MID2: variants seen among roughly 807,000 people sequenced by gnomAD.
MID2 encodes the protein probable E3 ubiquitin-protein ligase MID2.
In MID2, 13 loss-of-function variants were observed where a neutral mutation model predicts 46.1. The observed-to-expected ratio is 0.28, with a 90% CI of 0.18 to 0.45. The LOEUF (loss-of-function observed/expected upper bound fraction) is 0.45, where lower values mean the gene tolerates loss of function less well. Among genes scored for constraint, MID2 ranks in the 20% least tolerant of loss-of-function variants. The probability of loss-of-function intolerance (pLI) is 1.00; values close to 1 mark genes in which losing one functional copy is unlikely to be tolerated. For missense variants in MID2, 431 were observed against 575.4 expected, an observed-to-expected ratio of 0.75 and a Z score of 2.57; for synonymous variants, 199 against 212.3, an observed-to-expected ratio of 0.94 and a Z score of 0.55.
chrX:107,858,493 G>A (rs898111574), intron 3 of MID2, among the ~76,000 whole-genome samples: 4 of 112,037 alleles, frequency 3.6e-5, no homozygotes, highest in Admixed American at 2.8e-4. Context: ...AAAACATAGC[G>A]AGGGGCAAAT....
At chrX:107,847,075 G>C (rs1449540325) in intron 2 of MID2, among the ~76,000 whole-genome samples, 1 of 112,293 alleles carries the variant, frequency 8.9e-6, no homozygotes, top group Admixed American at 9.4e-5. Flanking sequence ...ATATAATGAG[G>C]TAATGCCTTA....
chrX:107,920,798 A>G (rs1273562782), intron 7 of MID2, among the ~76,000 whole-genome samples: 3 of 111,945 alleles, frequency 2.7e-5, no homozygotes, highest in East Asian at 5.6e-4. Flanking sequence ...TCTTTACCCA[A>G]ATTCACCTAC....
intron 3 of MID2, among the ~76,000 whole-genome samples, chrX:107,894,211 C>G (rs1286956368): frequency 2.7e-5 from 3 of 110,648 alleles, no homozygotes; most frequent in Admixed American, 9.6e-5. Context: ...TTTTTTTATA[C>G]CCAGCACATG....
At chrX:107,839,264 A>C (rs1931275448) in intron 1 of MID2, among the ~76,000 whole-genome samples, 1 of 111,847 alleles carries the variant, frequency 8.9e-6, no homozygotes, top group African/African-American at 3.2e-5. Context: ...GACTCTAGGC[A>C]ATTAAGAATT....
intron 5 of MID2, among the ~76,000 whole-genome samples, chrX:107,915,103 T>C (rs1267440577): frequency 4.5e-5 from 5 of 112,354 alleles, no homozygotes. Flanking sequence ...TCAACAATTA[T>C]TTTTTCACTA....
At chrX:107,836,048 A>G (rs2147822771) in intron 1 of MID2, among the ~76,000 whole-genome samples, 1 of 111,943 alleles carries the variant, frequency 8.9e-6, no homozygotes, top group East Asian at 2.8e-4. Flanking sequence ...AATGATATGA[A>G]GTAGAACTCC....
chrX:107,868,832 T>C (rs78889435), intron 3 of MID2, among the ~76,000 whole-genome samples: 603 of 110,907 alleles, frequency 5.4e-3, no homozygotes, highest in Non-Finnish European at 5.0e-3. Flanking sequence ...GGGGGATCAA[T>C]CTATGCTTCC....
At chrX:107,870,949 T>C (rs894442910) in intron 3 of MID2, among the ~76,000 whole-genome samples, 5 of 111,011 alleles carry the variant, frequency 4.5e-5, no homozygotes, top group Non-Finnish European at 7.5e-5. Flanking sequence ...TAAGTTAGTT[T>C]CATTTTGATT....
Position 107,930,074 on chromosome X carries a change from C to A in MID2, c.*3001C>A, listed in dbSNP as rs539254479. ...ATGAATAATCATCTTCCCTACTAGA[C>A]TGAACACCTTGAGAGGAAGGACTGT... On this transcript the variant is annotated 3_prime_UTR_variant, in exon 10 of 10. Transcript: ENST00000262843. Among the ~76,000 whole-genome samples the A allele has an allele frequency of 8.9e-6, 1 of 111,981 alleles. No individual in the cohort carries two copies. Among genetic ancestry groups the A allele is most frequent in the African/African-American group, 3.2e-5 (1 of 30,842 alleles).
chrX:107,892,030 A>G (rs1932617226), intron 3 of MID2, among the ~76,000 whole-genome samples: 1 of 111,596 alleles, frequency 9.0e-6, no homozygotes, highest in African/African-American at 3.3e-5. Context: ...TGAGAGTTCA[A>G]ATTTCCCTGG....
At chrX:107,851,443 C>G (rs151034854) in intron 2 of MID2, among the ~76,000 whole-genome samples, 241 of 111,699 alleles carry the variant, frequency 2.2e-3, no homozygotes, top group Non-Finnish European at 2.8e-3. Flanking sequence ...AAACACATTT[C>G]TTTCAATTAT....
In MID2 at chrX:107,927,024, G is replaced by A. The variant is rs1933193282; in HGVS notation, c.2159G>A (p.Cys720Tyr). 1.2e-5 allele frequency: 14 copies of A among 1,208,512 alleles called. No homozygotes were observed. Among genetic ancestry groups the A allele is most frequent in the African/African-American group, 1.8e-5 (1 of 57,029 alleles). Residue 720 changes from cysteine to tyrosine, a missense_variant, in exon 10 of 10, where the codon TGC becomes TAC. By Grantham distance (194) the Cys-to-Tyr change is radical. Transcript: ENST00000262843. ...IDYPERQECNCRPQESPYVSG... is the reference protein window; with the variant it reads ...IDYPERQECNYRPQESPYVSG... ...TACCCTGAGCGGCAGGAATGCAACT[G>A]CAGGCCTCAAGAATCCCCTTATGTT...
intron 2 of MID2, among the ~76,000 whole-genome samples, chrX:107,844,769 A>T (rs1931423960): frequency 9.0e-6 from 1 of 111,048 alleles, no homozygotes; most frequent in Non-Finnish European, 1.9e-5. Context: ...CTCTTTTCTG[A>T]TTCTTAACTG....
chrX:107,841,312 C>G lies in MID2; in HGVS notation c.647C>G (p.Ala216Gly). Residue 216 changes from alanine (A) to glycine (G), a missense_variant, in exon 2 of 10, where the codon GCC becomes GGC. Transcript: ENST00000262843. ...YCVSDDQLICALCKLVGRHRD... is the reference protein window; with the variant it reads ...YCVSDDQLICGLCKLVGRHRD... ...GTATCTGATGACCAATTGATCTGTG[C>G]CTTATGCAAACTGGTGGGTCGTCAC... 1 of 1,210,731 alleles carries G rather than the reference C, an allele frequency of 8.3e-7. No individual in the cohort carries two copies. Among genetic ancestry groups the G allele is most frequent in the Non-Finnish European group, 1.1e-6 (1 of 894,971 alleles).
intron 3 of MID2, among the ~76,000 whole-genome samples, chrX:107,893,578 C>T (rs1011389551): frequency 3.6e-5 from 4 of 112,052 alleles, no homozygotes; most frequent in African/African-American, 1.3e-4. Flanking sequence ...TATATTTTAT[C>T]TTGTTTTTGG....
intron 5 of MID2, among the ~76,000 whole-genome samples, chrX:107,914,518 G>A (rs896205839): frequency 1.8e-4 from 20 of 112,030 alleles, no homozygotes; most frequent in African/African-American, 6.2e-4. Context: ...ATGAGGATAT[G>A]TATTTTTCAG....
chrX:107,899,181 C>CA (rs1932773480), intron 3 of MID2, among the ~76,000 whole-genome samples: 1 of 90,196 alleles, frequency 1.1e-5, no homozygotes. Flanking sequence ...CCCCCTCCCC[C>CA]TCCCCCCCCC....
chrX:107,848,609 G>C (rs1250184952), intron 2 of MID2, among the ~76,000 whole-genome samples: 1 of 111,129 alleles, frequency 9.0e-6, no homozygotes, highest in African/African-American at 3.3e-5. Context: ...AAGTAGAGTA[G>C]ACCTATATGA....
Position 107,841,256 on chromosome X carries a change from C to T in MID2, c.591C>T (p.Asp197=), listed in dbSNP as rs1252870355. 11 of 1,209,152 alleles carry T rather than the reference C, an allele frequency of 9.1e-6. No homozygotes were observed. The highest frequency in any genetic ancestry group is 6.7e-6 in the Non-Finnish European group (6 of 894,750). The part of the protein sequence containing the change: ...DTHLRGITCL[D]HENEKVNMYC... The stretch of plus-strand genomic sequence containing the variant: ...ATCTTCGAGGGATCACCTGCCTGGA[C>T]CATGAGAATGAGAAAGTGAACATGT... Residue 197 remains aspartate (D), a synonymous_variant, in exon 2 of 10, where the codon GAC becomes GAT. Transcript: ENST00000262843.
Sources: gnomAD v4.1 joint callset for allele counts (sites outside exome capture counted in the v4.1 genomes callset) on GRCh38, gnomAD v4.1.1 for gene constraint, MANE v1.5 for transcripts, NCBI Gene and HGNC (gene_info 2026-07-23, HGNC 2026-07-21) for gene names.